The following NOL4L variants were observed in gnomAD, a reference collection of about 807,000 sequenced individuals.
NOL4L encodes the protein nucleolar protein 4 like.
NOL4L carries 7 observed loss-of-function variants against 64.5 expected under a neutral mutation model. That is an observed-to-expected ratio of 0.11 (90% CI 0.06 to 0.20). The LOEUF (loss-of-function observed/expected upper bound fraction) is 0.20. NOL4L is among the 10% of genes least tolerant of loss of function. The pLI, the probability that NOL4L is intolerant of heterozygous loss-of-function variation, is 1.00. For missense variants in NOL4L, 680 were observed against 967.1 expected (o/e 0.70, Z 3.94); for synonymous variants, 413 against 401.0 (o/e 1.03, Z -0.36).
rs188181541 is a variant in NOL4L at position 32,504,499 on chromosome 20, G to T, written c.699+6848C>A. On this transcript the variant is annotated intron_variant, in intron 4 of 10. Transcript: ENST00000621426. Reference sequence around the variant, plus strand: ...GGTGTGTACCCAGGAGATGGAGCTTGCAGTGAGCCAAGATCGTGCCACTGC... The same window carrying T: ...GGTGTGTACCCAGGAGATGGAGCTTTCAGTGAGCCAAGATCGTGCCACTGC... 2.7e-3 allele frequency among the ~76,000 whole-genome samples: 415 copies of T among 151,364 alleles called. 4 individuals are homozygous for T. Among genetic ancestry groups the T allele is most frequent in the African/African-American group, 9.6e-3 (396 of 41,180 alleles).
intron 1 of NOL4L, among the ~76,000 whole-genome samples, chr20:32,534,700 G>A (rs1022080533): frequency 2.0e-5 from 3 of 146,446 alleles, no homozygotes; most frequent in Non-Finnish European, 4.5e-5. Context: ...ACCCCCCGCC[G>A]CCAGGAGGTC....
In NOL4L at chr20:32,453,535, T is replaced by G. The variant is rs1184946423; in HGVS notation, c.1306-40A>C. 1 of 1,613,580 alleles carries G rather than the reference T, an allele frequency of 6.2e-7. No individual in the cohort carries two copies. The highest frequency in any genetic ancestry group is 8.5e-7 in the Non-Finnish European group (1 of 1,179,486). On this transcript the variant is annotated intron_variant, in intron 7 of 10. Coordinates refer to ENST00000621426, the MANE Select transcript of NOL4L (RefSeq NM_001256798.2). The surrounding 1 kb of genome is among the most constrained non-coding windows in gnomAD (Gnocchi z 5.6). ...GCCATGGGAAGGGCTGGCCCTGGCC[T>G]TGCCCCCATCCCACCCCACCTGTTT...
At chr20:32,504,017 T>C (rs181867945) in intron 4 of NOL4L, among the ~76,000 whole-genome samples, 1 of 152,330 alleles carries the variant, frequency 6.6e-6, no homozygotes, top group East Asian at 1.9e-4. Flanking sequence ...TTCACATTTT[T>C]TATATTTAGT....
intron 3 of NOL4L, among the ~76,000 whole-genome samples, chr20:32,518,497 T>C (rs1001032195): frequency 6.6e-6 from 1 of 152,144 alleles, no homozygotes; most frequent in African/African-American, 2.4e-5. Flanking sequence ...CAGCCATCAG[T>C]GAGGAGTGCG....
intron 1 of NOL4L, among the ~76,000 whole-genome samples, chr20:32,538,659 C>T (rs1008812779): frequency 1.3e-5 from 2 of 152,148 alleles, no homozygotes. Flanking sequence ...TCTGGGAGGG[C>T]CAAGGCCAGG....
At position 32,583,107 on chromosome 20, in the gene NOL4L, C is replaced by T. The variant is rs556650194; in HGVS notation, c.321+1463G>A. ...CCCGGCCCCCTGTTCCCGGTCCGGC[C>T]GGAGGCGGCAGCGGCGCAGATGGGC... On this transcript the variant is annotated intron_variant, in intron 1 of 10. Coordinates refer to ENST00000621426, the MANE Select transcript of NOL4L (RefSeq NM_001256798.2). Among the ~76,000 whole-genome samples, 6 of 152,172 alleles carry T rather than the reference C, an allele frequency of 3.9e-5. No individual in the cohort carries two copies. The East Asian group carries it at 9.7e-4, about 25-fold the overall frequency.
chr20:32,457,342 G>A (rs1284412696), intron 5 of NOL4L, among the ~76,000 whole-genome samples: 1 of 152,212 alleles, frequency 6.6e-6, no homozygotes, highest in Non-Finnish European at 1.5e-5. Context: ...ACCCGCGAGG[G>A]TCCCGGGGAG....
intron 1 of NOL4L, among the ~76,000 whole-genome samples, chr20:32,580,110 A>G (rs1008759344): frequency 2.0e-5 from 3 of 152,232 alleles, no homozygotes; most frequent in African/African-American, 7.2e-5. Flanking sequence ...AAGACCCTTC[A>G]AAGTCAGAAT....
rs568224578 is a variant in NOL4L at position 32,453,288 on chromosome 20, G to A, written c.1497+16C>T. 2.5e-6 allele frequency: 4 copies of A among 1,610,074 alleles called. No homozygotes were observed. The highest frequency in any genetic ancestry group is 3.4e-6 in the Non-Finnish European group (4 of 1,177,104). On this transcript the variant is annotated intron_variant, in intron 8 of 10. Coordinates refer to ENST00000621426, the MANE Select transcript of NOL4L (RefSeq NM_001256798.2). This position sits in a 1 kb window ranked among gnomAD's most constrained non-coding sequence, Gnocchi z 5.6. The stretch of plus-strand genomic sequence containing the variant: ...TGGCACCGAGGGAAAGTGTGGGCCA[G>A]GCAGGGGGGACTCACCATCTCCATG...
chr20:32,481,969 G>GGGC (rs1568638188), intron 4 of NOL4L, among the ~76,000 whole-genome samples: 1 of 149,068 alleles, frequency 6.7e-6, no homozygotes, highest in Non-Finnish European at 1.5e-5. Context: ...CGGGGCGGGG[G>GGGC]GGGGGGAGCA....
At chr20:32,583,906 G>A (rs1980688614) in intron 1 of NOL4L, among the ~76,000 whole-genome samples, 1 of 148,634 alleles carries the variant, frequency 6.7e-6, no homozygotes, top group Non-Finnish European at 1.5e-5. Context: ...GGGGGAACGA[G>A]GGGCCCGGGG....
At chr20:32,450,057 C>T (rs1197110080) in intron 10 of NOL4L, 1 of 152,244 alleles carries the variant, frequency 6.6e-6, no homozygotes, top group Non-Finnish European at 1.5e-5. Context: ...TGGTTACAGC[C>T]AGATGCTCAG....
In NOL4L at chr20:32,455,853, C is replaced by T. The variant is rs188761291; in HGVS notation, c.1119+265G>A. On this transcript the variant is annotated intron_variant, in intron 6 of 10. Coordinates refer to ENST00000621426, the MANE Select transcript of NOL4L (RefSeq NM_001256798.2). ...GGGATGGGTTGTGGGGATGCATATC[C>T]ACCTACCACCTCTACCAAGGCAGGG... 9.8e-5 allele frequency among the ~76,000 whole-genome samples: 15 copies of T among 152,306 alleles called. No homozygotes were observed. In the East Asian group the frequency reaches 2.7e-3, roughly 27 times the overall value.
intron 5 of NOL4L, among the ~76,000 whole-genome samples, chr20:32,472,267 AC>A (rs2015078090): frequency 6.6e-6 from 1 of 152,256 alleles, no homozygotes; most frequent in South Asian, 2.1e-4. Context: ...CATGTTCGCA[AC>A]CGAGTCCCAG....
rs1568596654 is a variant in NOL4L, at chr20:32,453,760, G to GA, written c.1120dup (p.Ser374PhefsTer21). 6.4e-7 allele frequency: 1 copy of GA among 1,552,532 alleles called. No homozygotes were observed. The highest frequency in any genetic ancestry group is 2.4e-5 in the East Asian group (1 of 41,074). On this transcript the variant is annotated frameshift_variant and splice_region_variant, in exon 7 of 11. Transcript: ENST00000621426. LOFTEE classifies it high-confidence loss of function. The surrounding 1 kb of genome is among the most constrained non-coding windows in gnomAD (Gnocchi z 5.6). ...GTAGCTCCCAGAGCTGTAGGGGGGG[G>GA]ACTAAAAGGAGGGCAAGAGGCAGAG...
chr20:32,531,714 T>C (rs538973396), intron 1 of NOL4L, among the ~76,000 whole-genome samples: 2 of 152,152 alleles, frequency 1.3e-5, no homozygotes, highest in Non-Finnish European at 2.9e-5. Context: ...AAAGTGCTAG[T>C]TGGATGTTCC....
At chr20:32,580,604 T>C (rs1372178789) in intron 1 of NOL4L, among the ~76,000 whole-genome samples, 2 of 152,188 alleles carry the variant, frequency 1.3e-5, no homozygotes, top group African/African-American at 4.8e-5. Context: ...AGTTTGGCAA[T>C]CTCGAAGTTT....
At chr20:32,522,361 G>A (rs1035174590) in intron 2 of NOL4L, among the ~76,000 whole-genome samples, 2 of 152,238 alleles carry the variant, frequency 1.3e-5, no homozygotes, top group Admixed American at 6.5e-5. Flanking sequence ...TGGAGGTCAG[G>A]GACAAGGGCA....
chr20:32,455,143 AAGAT>A (rs1169313724), intron 6 of NOL4L, among the ~76,000 whole-genome samples: 3 of 152,218 alleles, frequency 2.0e-5, no homozygotes, highest in Non-Finnish European at 4.4e-5. Context: ...AGAAAAAACT[AAGAT>A]AGGAGCTGCT....
Sources: allele counts gnomAD v4.1 joint callset (sites outside exome capture counted in the v4.1 genomes callset), GRCh38; gene constraint gnomAD v4.1.1; non-coding constraint Gnocchi (gnomAD v3.1); transcripts MANE v1.5; gene names NCBI Gene and HGNC (gene_info 2026-07-23, HGNC 2026-07-21).